Variants in MED15 observed in about 807,000 individuals in gnomAD.
MED15 encodes the protein mediator of RNA polymerase II transcription subunit 15.
Under a neutral mutation model 118.7 loss-of-function variants are expected in MED15, and 41 were observed. That is an observed-to-expected ratio of 0.35 (90% confidence interval 0.27 to 0.45). The LOEUF (loss-of-function observed/expected upper bound fraction) is 0.45, where lower values mean the gene tolerates loss of function less well. MED15 is among the 20% of genes least tolerant of loss of function. MED15 has a pLI of 1.00. For missense variants in MED15, 740 were observed against 1,025.5 expected (o/e 0.72, Z 3.80); for synonymous variants, 436 against 413.9 (o/e 1.05, Z -0.65).
Position 20,582,693 on chromosome 22 carries a change from C to T in MED15, c.1355C>T (p.Pro452Leu), listed in dbSNP as rs201035504. 138 of 1,597,548 alleles carry T rather than the reference C, an allele frequency of 8.6e-5. No homozygotes were observed. The highest frequency in any genetic ancestry group is 9.9e-5 in the Non-Finnish European group (117 of 1,178,348). ...ACCCCGCAGTCGATGCCCCCTCCCC[C>T]CCAGCCGTCCCCGCAGCCCGGCCAG... ...VQTPQSMPPP[P>L]QPSPQPGQPS... is the part of the protein sequence containing the mutation. The change falls in exon 10 of 18, where the codon CCC (proline) becomes CTC (leucine). Residue 452 changes from proline to leucine, a missense_variant. This residue lies in a region of MED15 where 384 missense variants were observed against 506.3 expected (regional missense o/e 0.76). Transcript: ENST00000263205.
At position 20,526,727 on chromosome 22, in the gene MED15, C is replaced by A. The variant is rs923663559; in HGVS notation, c.69-10390C>A. 8.5e-5 allele frequency among the ~76,000 whole-genome samples: 13 copies of A among 152,316 alleles called. No individual in the cohort carries two copies. In the East Asian group the frequency reaches 2.5e-3, roughly 29 times the overall value. Reference sequence around the variant, plus strand: ...CCCCTGGCCTCAAGTGATCCATCCACCTCGGCCTCCCAAAGGAGGTGGGCG... The same window carrying A: ...CCCCTGGCCTCAAGTGATCCATCCAACTCGGCCTCCCAAAGGAGGTGGGCG... On this transcript the variant is annotated intron_variant, in intron 1 of 17. Transcript: ENST00000263205.
chr22:20,568,582 C>G lies in MED15; in HGVS notation c.1103C>G (p.Thr368Arg). 1 of 1,613,904 alleles carries G rather than the reference C, an allele frequency of 6.2e-7. No individual in the cohort carries two copies. The highest frequency in any genetic ancestry group is 8.5e-7 in the Non-Finnish European group (1 of 1,180,024). The change falls in exon 8 of 18, where the codon ACA (threonine) becomes AGA (arginine). Residue 368 changes from threonine to arginine, a missense_variant. By Grantham distance (71) the Thr-to-Arg change is moderately conservative (BLOSUM62 -1). This residue lies in a region of MED15 where 384 missense variants were observed against 506.3 expected (regional missense o/e 0.76). Coordinates refer to ENST00000263205, the MANE Select transcript of MED15 (RefSeq NM_001003891.3). The stretch of plus-strand genomic sequence containing the variant: ...CAGCCCCAGGTGCAGCAGCAGCAGA[C>G]AGCAGTACAGACAGCTCAGGCTGCC... ...PVQPQVQQQQ[T>R]AVQTAQAAQM...
At chr22:20,510,531 C>T (rs2054027306) in intron 1 of MED15, among the ~76,000 whole-genome samples, 2 of 152,116 alleles carry the variant, frequency 1.3e-5, no homozygotes, top group Admixed American at 1.3e-4. Flanking sequence ...TACTGAATGC[C>T]TTGGGGTGGA....
chr22:20,585,170 C>T lies in MED15; in HGVS notation c.2034C>T (p.Leu678=), dbSNP rs1018275873. The T allele has an allele frequency of 1.6e-5, 26 of 1,613,768 alleles. No homozygotes were observed. The highest frequency in any genetic ancestry group is 2.1e-5 in the Non-Finnish European group (25 of 1,180,004). The change falls in exon 16 of 18, where the codon CTC becomes CTT. Residue 678 remains leucine (L), a synonymous_variant. Coordinates refer to ENST00000263205, the MANE Select transcript of MED15 (RefSeq NM_001003891.3). ...AGCGGCAGAGCATCCCCAGTGTGCT[C>T]CAGGGTGAGGTGGCCAGGCTGGACC... ...DDERQSIPSV[L]QGEVARLDPK...
intron 2 of MED15, among the ~76,000 whole-genome samples, chr22:20,540,288 C>G (rs959112943): frequency 6.6e-6 from 1 of 152,130 alleles, no homozygotes; most frequent in Admixed American, 6.5e-5. Flanking sequence ...GGCAGCCTTT[C>G]CATTTTGTGC....
chr22:20,544,420 CT>C (rs1354258306), intron 2 of MED15, among the ~76,000 whole-genome samples: 2 of 152,186 alleles, frequency 1.3e-5, no homozygotes, highest in South Asian at 2.1e-4. Flanking sequence ...AATCCCAGCA[CT>C]TTGGGAGGCT....
At chr22:20,545,682 G>C (rs977471255) in intron 2 of MED15, among the ~76,000 whole-genome samples, 5 of 152,052 alleles carry the variant, frequency 3.3e-5, no homozygotes, top group African/African-American at 9.7e-5. Context: ...GGTCAGGGCC[G>C]TGTGGTTTCC....
rs201085999 is a variant in MED15 at position 20,507,763 on chromosome 22, G to A, written c.68+17G>A. 2.5e-5 allele frequency: 41 copies of A among 1,613,948 alleles called. No homozygotes were observed. Among genetic ancestry groups the A allele is most frequent in the Non-Finnish European group, 3.1e-5 (37 of 1,179,890 alleles). On this transcript the variant is annotated intron_variant, in intron 1 of 17. Transcript: ENST00000263205. ...CAGTCAAATGTGAGTAGTGGTCGGG[G>A]CAGGGGGCTGGATTGTGGGACCTTC...
rs570579518 is a variant in MED15 at position 20,559,345 on chromosome 22, TAGAAGCTACATTTGA to T, written c.451+4202_451+4216del. ...ACAGCTGAAGAAAGAATTTGTGTAA[TAGAAGCTACATTTGA>T]AGAAATTATCTAGAATGTAGCACAG... On this transcript the variant is annotated intron_variant, in intron 5 of 17. Coordinates refer to ENST00000263205, the MANE Select transcript of MED15 (RefSeq NM_001003891.3). 3.9e-5 allele frequency among the ~76,000 whole-genome samples: 6 copies of T among 152,200 alleles called. No individual in the cohort carries two copies. In the East Asian group the frequency reaches 1.2e-3, roughly 29 times the overall value.
In MED15 at chr22:20,551,479, G is replaced by A; in HGVS notation, c.200G>A (p.Arg67Gln). 6.2e-7 allele frequency: 1 copy of A among 1,614,000 alleles called. No homozygotes were observed. The highest frequency in any genetic ancestry group is 8.5e-7 in the Non-Finnish European group (1 of 1,179,896). ...GTGGCCAGGCTCATTATCCATTTTC[G>A]AGACATTCGTAAGTAAGATTTTGCA... ...SLVARLIIHF[R>Q]DIHNKKSQAS... The change falls in exon 3 of 18, where the codon CGA (arginine) becomes CAA (glutamine). Residue 67 changes from arginine (R) to glutamine (Q), a missense_variant. Arg to Gln is a conservative substitution (Grantham distance 43). Coordinates refer to ENST00000263205, the MANE Select transcript of MED15 (RefSeq NM_001003891.3).
At position 20,566,504 on chromosome 22, in the gene MED15, A is replaced by G; in HGVS notation, c.728A>G (p.Gln243Arg). The G allele has an allele frequency of 6.2e-7, 1 of 1,610,514 alleles. No individual in the cohort carries two copies. Among genetic ancestry groups the G allele is most frequent in the Non-Finnish European group, 8.5e-7 (1 of 1,177,860 alleles). Residue 243 changes from glutamine (Q) to arginine (R), a missense_variant, in exon 7 of 18, where the codon CAG (glutamine) becomes CGG (arginine). By Grantham distance (43) the Gln-to-Arg change is conservative. Coordinates refer to ENST00000263205, the MANE Select transcript of MED15 (RefSeq NM_001003891.3). The part of the protein sequence containing the change: ...QQQQQLQRIA[Q>R]LQLQQQQQQQ... ...CAACAGCAGCTGCAGCGAATAGCAC[A>G]GCTGCAGCTCCAACAACAGCAACAG... is the stretch of plus-strand genomic sequence containing the variant.
intron 8 of MED15, among the ~76,000 whole-genome samples, chr22:20,571,040 G>A (rs371080911): frequency 2.0e-5 from 3 of 152,118 alleles, no homozygotes; most frequent in Middle Eastern, 3.2e-3. Context: ...GATTACAGGC[G>A]TGAGCCACTG....
At chr22:20,520,249 G>A (rs2054399211) in intron 1 of MED15, among the ~76,000 whole-genome samples, 2 of 152,290 alleles carry the variant, frequency 1.3e-5, no homozygotes, top group African/African-American at 4.8e-5. Flanking sequence ...CATCCCACGT[G>A]CCCGCTGCCC....
chr22:20,526,204 C>T (rs531070756), intron 1 of MED15, among the ~76,000 whole-genome samples: 9 of 152,234 alleles, frequency 5.9e-5, no homozygotes, highest in African/African-American at 1.9e-4. Flanking sequence ...TTTTTAATTA[C>T]TTTAAATTTT....
intron 2 of MED15, among the ~76,000 whole-genome samples, chr22:20,541,577 A>G (rs2055314551): frequency 6.6e-6 from 1 of 151,686 alleles, no homozygotes. Flanking sequence ...TTCGCCTCCC[A>G]AATTCCGGTG....
intron 1 of MED15, among the ~76,000 whole-genome samples, chr22:20,533,659 G>A (rs1227440106): frequency 6.6e-6 from 1 of 152,134 alleles, no homozygotes; most frequent in African/African-American, 2.4e-5. Context: ...ACCCCAACTC[G>A]GTTTCCTGGT....
At chr22:20,518,592 T>C (rs2054335300) in intron 1 of MED15, among the ~76,000 whole-genome samples, 2 of 152,212 alleles carry the variant, frequency 1.3e-5, no homozygotes, top group Non-Finnish European at 2.9e-5. Context: ...TAACTATTTT[T>C]TGCCTTGCCA....
chr22:20,559,302 A>G (rs1389834334), intron 5 of MED15, among the ~76,000 whole-genome samples: 2 of 152,252 alleles, frequency 1.3e-5, no homozygotes, highest in African/African-American at 2.4e-5. Flanking sequence ...AAGTGGATGA[A>G]TGAACAGCGC....
chr22:20,521,885 C>G (rs1408250098), intron 1 of MED15, among the ~76,000 whole-genome samples: 2 of 151,788 alleles, frequency 1.3e-5, no homozygotes, highest in Non-Finnish European at 2.9e-5. Flanking sequence ...ACCACCATGC[C>G]TGGCTAATTT....
Sources: gnomAD v4.1 joint callset for allele counts (sites outside exome capture counted in the v4.1 genomes callset) on GRCh38, gnomAD v4.1.1 for gene constraint, gnomAD v4.1.1 regional missense constraint, MANE v1.5 for transcripts, NCBI Gene and HGNC (gene_info 2026-07-23, HGNC 2026-07-21) for gene names.